Variants in CNTN4 observed in about 807,000 individuals in gnomAD.
CNTN4 encodes contactin-4.
Under a neutral mutation model 122.5 loss-of-function variants are expected in CNTN4, and 77 were observed. That is an observed-to-expected ratio of 0.63 (90% CI 0.52 to 0.76). The LOEUF (loss-of-function observed/expected upper bound fraction) is 0.76, where lower values mean the gene tolerates loss of function less well. CNTN4 is among the 30% of genes least tolerant of loss of function. The pLI is 0.00. For missense variants in CNTN4, 1,256 were observed against 1,259.1 expected, an observed-to-expected ratio of 1.00 and a Z score of 0.04; for synonymous variants, 512 against 447.0, an observed-to-expected ratio of 1.15 and a Z score of -1.83.
At chr3:2,955,812 A>G (rs958839113) in intron 13 of CNTN4, among the ~76,000 whole-genome samples, 20 of 152,310 alleles carry the variant, frequency 1.3e-4, no homozygotes, top group African/African-American at 3.4e-4. Flanking sequence ...AAAGTGACAG[A>G]TATTGTGAAG....
intron 2 of CNTN4, among the ~76,000 whole-genome samples, chr3:2,153,663 C>G (rs77509778): frequency 0.084 from 12,163 of 144,216 alleles, 756 homozygotes; most frequent in Admixed American, 0.2. Context: ...TTATTCTGAG[C>G]GGGGAGGTAG....
chr3:2,227,020 CCAGT>C (rs960139385), intron 2 of CNTN4, among the ~76,000 whole-genome samples: 1 of 152,068 alleles, frequency 6.6e-6, no homozygotes, highest in Admixed American at 6.6e-5. Context: ...CTCACAAAAG[CCAGT>C]CAATTTTGCT....
At position 2,927,304 on chromosome 3, in the gene CNTN4, TC is replaced by T. The variant is rs59729386; in HGVS notation, c.1358+1526del. 836 of 456,052 alleles carry T rather than the reference TC, an allele frequency of 1.8e-3. 2 individuals are homozygous for T. The highest frequency in any genetic ancestry group is 0.015 in the African/African-American group (769 of 50,180). 28.3% of individuals were successfully genotyped at this position (456,052 alleles called of 1,614,324 possible). A position where few individuals can be genotyped will look rare whatever the true frequency, so the allele number is the denominator to read the frequency against. On this transcript the variant is annotated intron_variant, in intron 13 of 24. Coordinates refer to ENST00000418658, the MANE Select transcript of CNTN4 (RefSeq NM_175607.3). Reference sequence around the variant, plus strand: ...ATTTCTCTTTTGCACCTAGTGTACATCAGGGGTTTGGTAGTGGCTCTGCTCC... The same window carrying T: ...ATTTCTCTTTTGCACCTAGTGTACATAGGGGTTTGGTAGTGGCTCTGCTCC...
chr3:2,469,866 C>T lies in CNTN4; in HGVS notation c.-88-101550C>T, dbSNP rs548247717. On this transcript the variant is annotated intron_variant, in intron 3 of 24. Transcript: ENST00000418658. ...AATAACTTTTCACTGTCTAATTTAA[C>T]TCATCTGAAGTCTGCTTATGAATTT... Among the ~76,000 whole-genome samples the T allele has an allele frequency of 1.2e-4, 18 of 152,240 alleles. No homozygotes were observed. The South Asian group carries it at 3.7e-3, about 32-fold the overall frequency.
At chr3:2,529,001 T>G (rs888753909) in intron 3 of CNTN4, among the ~76,000 whole-genome samples, 1 of 152,018 alleles carries the variant, frequency 6.6e-6, no homozygotes, top group African/African-American at 2.4e-5. Context: ...TATAATAAAT[T>G]ATTGTTAGCT....
At chr3:2,176,948 T>C (rs1420579692) in intron 2 of CNTN4, among the ~76,000 whole-genome samples, 1 of 152,138 alleles carries the variant, frequency 6.6e-6, no homozygotes, top group Non-Finnish European at 1.5e-5. Flanking sequence ...AGAGTCACCT[T>C]TGTACCCAAG....
At chr3:2,678,011 C>T (rs1411670619) in intron 4 of CNTN4, among the ~76,000 whole-genome samples, 1 of 152,078 alleles carries the variant, frequency 6.6e-6, no homozygotes. Context: ...GTGTTTTCCT[C>T]CCAGCAAAGC....
intron 3 of CNTN4, among the ~76,000 whole-genome samples, chr3:2,543,341 G>A (rs2078107765): frequency 6.6e-6 from 1 of 152,036 alleles, no homozygotes; most frequent in Admixed American, 6.6e-5. Flanking sequence ...AAACCCAGAG[G>A]AAAACCATTT....
At chr3:2,383,010 G>A (rs1295807668) in intron 3 of CNTN4, among the ~76,000 whole-genome samples, 1 of 151,918 alleles carries the variant, frequency 6.6e-6, no homozygotes, top group African/African-American at 2.4e-5. Flanking sequence ...GGGAGGCGGA[G>A]GTTGCAGTGA....
chr3:2,403,117 A>G (rs547502747), intron 3 of CNTN4, among the ~76,000 whole-genome samples: 1 of 152,118 alleles, frequency 6.6e-6, no homozygotes, highest in Admixed American at 6.6e-5. Flanking sequence ...TTTGTCTTGT[A>G]TCACGCCGAG....
intron 13 of CNTN4, among the ~76,000 whole-genome samples, chr3:2,955,215 G>A (rs556764527): frequency 2.6e-5 from 4 of 152,282 alleles, no homozygotes; most frequent in Non-Finnish European, 4.4e-5. Flanking sequence ...CATATATAAT[G>A]AGCAAGATTA....
At chr3:3,017,194 T>A (rs539215886) in intron 14 of CNTN4, among the ~76,000 whole-genome samples, 31 of 152,298 alleles carry the variant, frequency 2.0e-4, no homozygotes, top group Admixed American at 9.2e-4. Flanking sequence ...ACATTTTAAT[T>A]ATGTTAACAA....
intron 3 of CNTN4, among the ~76,000 whole-genome samples, chr3:2,522,484 T>C (rs907515093): frequency 6.6e-6 from 1 of 152,142 alleles, no homozygotes; most frequent in Non-Finnish European, 1.5e-5. Context: ...CTTTGGATCA[T>C]AATTAATTTC....
chr3:2,193,120 C>A (rs981905910), intron 2 of CNTN4, among the ~76,000 whole-genome samples: 2 of 152,112 alleles, frequency 1.3e-5, no homozygotes, highest in African/African-American at 4.8e-5. Context: ...CCATATTCTC[C>A]TGCAACACAA....
chr3:2,592,019 C>T (rs1036288296), intron 4 of CNTN4, among the ~76,000 whole-genome samples: 3 of 152,100 alleles, frequency 2.0e-5, no homozygotes, highest in East Asian at 1.9e-4. Context: ...GCTGGGACTA[C>T]AGGTGCATGC....
chr3:2,391,410 A>G (rs2046437439), intron 3 of CNTN4, among the ~76,000 whole-genome samples: 1 of 152,192 alleles, frequency 6.6e-6, no homozygotes, highest in Admixed American at 6.5e-5. Context: ...CAAACAATAT[A>G]TGAAGCCATG....
intron 23 of CNTN4, among the ~76,000 whole-genome samples, chr3:3,048,092 T>C (rs1700859026): frequency 2.0e-5 from 3 of 152,130 alleles, no homozygotes; most frequent in Admixed American, 2.0e-4. Flanking sequence ...CCTCCTCAAC[T>C]ACACCCCAAG....
rs191853289 is a variant in CNTN4, at chr3:2,837,298, C to T, written c.454+17717C>T. On this transcript the variant is annotated intron_variant, in intron 7 of 24. Transcript: ENST00000418658. The stretch of plus-strand genomic sequence containing the variant: ...GGACACATTGGTCTCCTGCAAACCA[C>T]GTAGTTCTTTTATTGCTTCTTTTTT... 2.8e-3 allele frequency among the ~76,000 whole-genome samples: 432 copies of T among 152,258 alleles called. 2 individuals are homozygous for T. Among genetic ancestry groups the T allele is most frequent in the African/African-American group, 9.6e-3 (399 of 41,544 alleles).
At chr3:2,745,421 A>T in intron 5 of CNTN4, 101 bp from the exon 6 acceptor site, 1 of 1,021,356 alleles carries the variant, frequency 9.8e-7, no homozygotes, top group Non-Finnish European at 1.5e-6. Context: ...AAAAGTCACA[A>T]ATGATTTTTC....
Sources: allele counts gnomAD v4.1 joint callset (sites outside exome capture counted in the v4.1 genomes callset), GRCh38; gene constraint gnomAD v4.1.1; transcripts MANE v1.5; gene names NCBI Gene and HGNC (gene_info 2026-07-23, HGNC 2026-07-21).